The following GTF2F2 variants were observed in gnomAD, a reference collection of about 807,000 sequenced individuals.
GTF2F2 encodes ATP-dependent helicase GTF2F2.
In GTF2F2, 23 loss-of-function variants were observed where a neutral mutation model predicts 42.2. That is an observed-to-expected ratio of 0.55 (90% CI 0.39 to 0.77). The LOEUF is 0.77. GTF2F2 is among the 30% of genes least tolerant of loss of function. GTF2F2 has a pLI of 0.00. For missense variants in GTF2F2, 261 were observed against 287.2 expected (o/e 0.91, Z 0.66); for synonymous variants, 105 against 100.8 (o/e 1.04, Z -0.25).
intron 6 of GTF2F2, among the ~76,000 whole-genome samples, chr13:45,259,647 CTTTTTTTTT>C (rs1172870085): frequency 1.4e-5 from 1 of 72,224 alleles, no homozygotes; most frequent in Non-Finnish European, 2.4e-5. Flanking sequence ...AAACCTAGAA[CTTTTTTTTT>C]TTTTTTTTTT....
chr13:45,151,909 TG>T, intron 4 of GTF2F2, 78 bp downstream of exon 4: 2 of 529,426 alleles, frequency 3.8e-6, no homozygotes, highest in South Asian at 3.1e-5. Flanking sequence ...CACTCCTATT[TG>T]CTTTTTTTTT....
intron 5 of GTF2F2, among the ~76,000 whole-genome samples, chr13:45,223,374 A>T (rs1318132548): frequency 2.6e-5 from 4 of 152,150 alleles, no homozygotes; most frequent in East Asian, 3.8e-4. Flanking sequence ...GCTAATACGA[A>T]CAAGAAATAC....
intron 4 of GTF2F2, among the ~76,000 whole-genome samples, chr13:45,160,575 CT>C (rs1460244229): frequency 4.6e-5 from 7 of 152,100 alleles, no homozygotes; most frequent in Non-Finnish European, 7.4e-5. Context: ...TTATGTAGTT[CT>C]TTTGAATGTT....
At chr13:45,127,954 T>TC (rs1869122334) in intron 1 of GTF2F2, among the ~76,000 whole-genome samples, 2 of 137,282 alleles carry the variant, frequency 1.5e-5, no homozygotes, top group Non-Finnish European at 3.1e-5. Flanking sequence ...TTTTTTTTTT[T>TC]TTTTTTTTTT....
chr13:45,278,151 G>A (rs778501609), intron 7 of GTF2F2, among the ~76,000 whole-genome samples: 1 of 152,124 alleles, frequency 6.6e-6, no homozygotes, highest in Admixed American at 6.6e-5. Flanking sequence ...GTGGAGGGAC[G>A]GAAGGAAGGA....
At chr13:45,269,638 G>A (rs1876708708) in intron 7 of GTF2F2, among the ~76,000 whole-genome samples, 1 of 152,178 alleles carries the variant, frequency 6.6e-6, no homozygotes, top group Non-Finnish European at 1.5e-5. Context: ...GGGTGTTCTG[G>A]TATAATGGAA....
chr13:45,279,035 C>CG (rs1877150753), intron 7 of GTF2F2, among the ~76,000 whole-genome samples: 3 of 151,956 alleles, frequency 2.0e-5, no homozygotes, highest in Admixed American at 6.6e-5. Context: ...TGTTGGCCGG[C>CG]TGGTCTTGAA....
intron 4 of GTF2F2, among the ~76,000 whole-genome samples, chr13:45,162,151 A>G (rs1195781792): frequency 6.6e-6 from 1 of 152,236 alleles, no homozygotes; most frequent in Non-Finnish European, 1.5e-5. Context: ...TTAGAAATAT[A>G]TGTTAAAACA....
intron 4 of GTF2F2, among the ~76,000 whole-genome samples, chr13:45,185,526 A>G (rs950385495): frequency 4.6e-5 from 7 of 152,198 alleles, no homozygotes; most frequent in African/African-American, 1.4e-4. Context: ...TTATAAATCT[A>G]TCACCCACAA....
At chr13:45,261,763 A>G (rs572297934) in intron 6 of GTF2F2, among the ~76,000 whole-genome samples, 3 of 152,210 alleles carry the variant, frequency 2.0e-5, no homozygotes, top group Non-Finnish European at 4.4e-5. Flanking sequence ...AAAAGAGAAG[A>G]AATAACATTA....
intron 4 of GTF2F2, among the ~76,000 whole-genome samples, chr13:45,188,404 G>A (rs959387997): frequency 9.2e-5 from 14 of 152,122 alleles, no homozygotes; most frequent in Non-Finnish European, 1.8e-4. Flanking sequence ...AATTAAACAT[G>A]TGCTTGTTAA....
intron 6 of GTF2F2, among the ~76,000 whole-genome samples, chr13:45,256,365 AAAGT>A (rs1299120517): frequency 3.3e-5 from 5 of 152,290 alleles, no homozygotes; most frequent in African/African-American, 7.2e-5. Flanking sequence ...CCTGGTGAAT[AAAGT>A]AAGTACAAAC....
At chr13:45,186,410 G>A (rs1872429312) in intron 4 of GTF2F2, among the ~76,000 whole-genome samples, 1 of 151,270 alleles carries the variant, frequency 6.6e-6, no homozygotes, top group Admixed American at 6.6e-5. Flanking sequence ...TCCTGCCTCA[G>A]CCTCCCAAGT....
chr13:45,120,845 C>T, intron 1 of GTF2F2, 124 bp downstream of exon 1: 1 of 683,786 alleles, frequency 1.5e-6, no homozygotes, highest in South Asian at 1.7e-5. Context: ...GAGCTTCACA[C>T]ATTTTGAGAG....
At chr13:45,219,406 T>C (rs1421078725) in intron 5 of GTF2F2, 3 of 152,226 alleles carry the variant, frequency 2.0e-5, no homozygotes, top group Non-Finnish European at 1.5e-5. Flanking sequence ...CTCCCTCTTA[T>C]TGAATGACCT....
At chr13:45,200,059 A>G (rs1166460320) in intron 4 of GTF2F2, among the ~76,000 whole-genome samples, 4 of 151,772 alleles carry the variant, frequency 2.6e-5, no homozygotes, top group South Asian at 2.1e-4. Context: ...ACATCTTAAT[A>G]TCGTTAGCTT....
At chr13:45,157,536 G>T (rs1870822351) in intron 4 of GTF2F2, among the ~76,000 whole-genome samples, 1 of 151,262 alleles carries the variant, frequency 6.6e-6, no homozygotes. Context: ...CATGACAGAA[G>T]CTTGGATTAG....
intron 4 of GTF2F2, chr13:45,193,780 A>G (rs1872751187): frequency 3.8e-6 from 6 of 1,561,782 alleles, no homozygotes; most frequent in South Asian, 1.2e-5. Context: ...TGTTCGTGAC[A>G]CAGGTAATTA....
intron 5 of GTF2F2, among the ~76,000 whole-genome samples, chr13:45,240,922 T>C (rs1304400698): frequency 6.6e-6 from 1 of 151,120 alleles, no homozygotes; most frequent in African/African-American, 2.4e-5. Flanking sequence ...GGCGGATCAC[T>C]TGAGCTCAGG....
Sources: allele counts gnomAD v4.1 joint callset (sites outside exome capture counted in the v4.1 genomes callset), GRCh38; gene constraint gnomAD v4.1.1; transcripts MANE v1.5; gene names NCBI Gene and HGNC (gene_info 2026-07-23, HGNC 2026-07-21).